ZYG11A: variants seen among roughly 807,000 people sequenced by gnomAD.
The protein encoded by ZYG11A is zyg-11 family member A, cell cycle regulator, also known as protein zyg-11 homolog A.
Under a neutral mutation model 77.2 loss-of-function variants are expected in ZYG11A, and 62 were observed. That is an observed-to-expected ratio of 0.80 (90% CI 0.65 to 0.99). The LOEUF (loss-of-function observed/expected upper bound fraction) is 0.99. Among genes scored for constraint, ZYG11A ranks in the 50% least tolerant of loss-of-function variants. ZYG11A has a pLI of 0.00. For missense variants in ZYG11A, 828 were observed against 896.8 expected (o/e 0.92, Z 0.98); for synonymous variants, 315 against 324.6 (o/e 0.97, Z 0.32).
intron 8 of ZYG11A, among the ~76,000 whole-genome samples, chr1:52,874,511 C>CA (rs1557449730): frequency 6.6e-6 from 1 of 152,128 alleles, no homozygotes; most frequent in Non-Finnish European, 1.5e-5. Flanking sequence ...CATTGCCTCT[C>CA]AAAGTGCTAT....
At chr1:52,849,047 C>A (rs1645653041) in intron 1 of ZYG11A, among the ~76,000 whole-genome samples, 1 of 151,964 alleles carries the variant, frequency 6.6e-6, no homozygotes, top group Non-Finnish European at 1.5e-5. Flanking sequence ...TTTCCCAATT[C>A]TTTTGGAGTT....
rs1364106319 is a variant in ZYG11A, at chr1:52,867,554, G to T, written c.1407G>T (p.Lys469Asn). Residue 469 changes from lysine (K) to asparagine (N), a missense_variant, in exon 7 of 14, where the codon AAG becomes AAT. Transcript: ENST00000371528. ...DVPFDRFDAA[K>N]FVMRWLCKHE... ...TGCTTTTCAGGTTTGATGCTGCCAA[G>T]TTTGTCATGAGATGGCTCTGTAAGC... is the stretch of plus-strand genomic sequence containing the variant. 1.9e-6 allele frequency: 3 copies of T among 1,551,968 alleles called. No individual in the cohort carries two copies. In the African/African-American group the frequency reaches 4.1e-5, roughly 21 times the overall value.
At chr1:52,872,150 A>G (rs1571866225) in intron 8 of ZYG11A, among the ~76,000 whole-genome samples, 1 of 151,886 alleles carries the variant, frequency 6.6e-6, no homozygotes, top group Admixed American at 6.6e-5. Flanking sequence ...TTTGAGACAG[A>G]GTCTGCAATG....
chr1:52,887,961 C>T (rs1348100456), intron 13 of ZYG11A, among the ~76,000 whole-genome samples: 1 of 152,062 alleles, frequency 6.6e-6, no homozygotes, highest in Non-Finnish European at 1.5e-5. Context: ...CAACAGGAAA[C>T]CCAAGAGACA....
intron 1 of ZYG11A, among the ~76,000 whole-genome samples, chr1:52,847,736 C>G (rs920666054): frequency 6.7e-6 from 1 of 149,398 alleles, no homozygotes; most frequent in Admixed American, 6.7e-5. Flanking sequence ...GTGGCGCGAT[C>G]TCGGTTCGCT....
At chr1:52,864,942 C>T (rs942895479) in intron 5 of ZYG11A, among the ~76,000 whole-genome samples, 2 of 151,828 alleles carry the variant, frequency 1.3e-5, no homozygotes, top group African/African-American at 2.4e-5. Flanking sequence ...TGAGCCCCCG[C>T]GCCTGGCCTA....
Position 52,892,790 on chromosome 1 carries a change from T to C in ZYG11A, c.2113T>C (p.Tyr705His), listed in dbSNP as rs1170831632. 3 of 1,551,416 alleles carry C rather than the reference T, an allele frequency of 1.9e-6. No individual in the cohort carries two copies. In the Admixed American group the frequency reaches 5.9e-5, roughly 30 times the overall value. ...GCTTGATTTTCTTTCAGCCAGCAAA[T>C]ACTGCAAAATGTTAGTTGAAGAAGA... The part of the protein sequence containing the change: ...YHVCSKNPSK[Y>H]CKMLVEEEGL... Residue 705 changes from tyrosine to histidine, a missense_variant, in exon 14 of 14, where the codon TAC (tyrosine) becomes CAC (histidine). Physicochemically the swap from Tyr to His is moderately conservative, Grantham distance 83. Coordinates refer to ENST00000371528, the MANE Select transcript of ZYG11A (RefSeq NM_001004339.3).
chr1:52,891,773 C>G (rs1463337534), intron 13 of ZYG11A, among the ~76,000 whole-genome samples: 5 of 151,904 alleles, frequency 3.3e-5, no homozygotes, highest in East Asian at 1.9e-4. Context: ...TTCTTTCTGC[C>G]GCAGGCTAAG....
At chr1:52,856,330 G>A (rs1376870597) in intron 2 of ZYG11A, among the ~76,000 whole-genome samples, 9 of 151,934 alleles carry the variant, frequency 5.9e-5, no homozygotes, top group Admixed American at 5.9e-4. Flanking sequence ...AGTAGGCCAG[G>A]TGCAGTGCCT....
chr1:52,845,264 G>A (rs1645540921), intron 1 of ZYG11A, among the ~76,000 whole-genome samples: 1 of 147,494 alleles, frequency 6.8e-6, no homozygotes, highest in South Asian at 2.1e-4. Context: ...TGTGTCTCTT[G>A]TAAACAGCAA....
Position 52,881,465 on chromosome 1 carries a change from C to G in ZYG11A, c.1750-6C>G, listed in dbSNP as rs746944456. The stretch of plus-strand genomic sequence containing the variant: ...TCTGGGGTTCTCTGCTCCATCTGAC[C>G]TGTAGAACAACATAGCAGAAGTCAG... On this transcript the variant is annotated splice_region_variant and splice_polypyrimidine_tract_variant and intron_variant, in intron 10 of 13. Coordinates refer to ENST00000371528, the MANE Select transcript of ZYG11A (RefSeq NM_001004339.3). The G allele has an allele frequency of 9.7e-6, 15 of 1,542,146 alleles. No individual in the cohort carries two copies. Among genetic ancestry groups the G allele is most frequent in the Non-Finnish European group, 1.3e-5 (15 of 1,141,928 alleles).
intron 12 of ZYG11A, among the ~76,000 whole-genome samples, chr1:52,886,099 AT>A (rs375828972): frequency 1.3e-5 from 2 of 151,620 alleles, no homozygotes; most frequent in South Asian, 4.2e-4. Context: ...TGCCCGGCTA[AT>A]TTTTTGTATT....
chr1:52,873,892 GA>G (rs1303180880), intron 8 of ZYG11A, among the ~76,000 whole-genome samples: 2 of 151,964 alleles, frequency 1.3e-5, no homozygotes, highest in Non-Finnish European at 2.9e-5. Context: ...GCTGAGGCAG[GA>G]GAATCACTTG....
At chr1:52,881,363 A>G (rs1646358908) in intron 10 of ZYG11A, 108 bp from the exon 11 acceptor site, 1 of 749,178 alleles carries the variant, frequency 1.3e-6, no homozygotes, top group Admixed American at 3.2e-5. Context: ...TATAAGAATA[A>G]GAGTTCTGAA....
intron 10 of ZYG11A, among the ~76,000 whole-genome samples, chr1:52,879,217 A>C (rs1646318991): frequency 6.6e-6 from 1 of 152,222 alleles, no homozygotes; most frequent in African/African-American, 2.4e-5. Flanking sequence ...TTGCCATGCC[A>C]TATGCATTGG....
Position 52,867,582 on chromosome 1 carries a change from G to A in ZYG11A, c.1435G>A (p.Glu479Lys). ...KFVMRWLCKH[E>K]NPKMQTMAVS... ...TGTCATGAGATGGCTCTGTAAGCATGAAAACCCCAAGATGCAAACAATGGC... is the reference window on the plus strand; with the variant it reads ...TGTCATGAGATGGCTCTGTAAGCATAAAAACCCCAAGATGCAAACAATGGC... The change falls in exon 7 of 14, where the codon GAA (glutamate) becomes AAA (lysine). Residue 479 changes from glutamate to lysine, a missense_variant. Transcript: ENST00000371528. 6.4e-7 allele frequency: 1 copy of A among 1,552,330 alleles called. No individual in the cohort carries two copies. Among genetic ancestry groups the A allele is most frequent in the Non-Finnish European group, 8.7e-7 (1 of 1,147,130 alleles).
rs374425035 is a variant in ZYG11A, at chr1:52,867,941, T to C, written c.1542+164T>C. 1.4e-4 allele frequency among the ~76,000 whole-genome samples: 21 copies of C among 151,330 alleles called. 1 individual carries two copies. The highest frequency in any genetic ancestry group is 5.1e-4 in the African/African-American group (21 of 41,254). On this transcript the variant is annotated intron_variant, in intron 8 of 13. Transcript: ENST00000371528. ...CTAATTTTGTAGCTATTTCTTTTGG[T>C]ATGTACCTCCACATTTCTTTTTTTT...
chr1:52,842,803 A>C lies in ZYG11A; in HGVS notation c.-81A>C. On this transcript the variant is annotated 5_prime_UTR_variant, in exon 1 of 14. Coordinates refer to ENST00000371528, the MANE Select transcript of ZYG11A (RefSeq NM_001004339.3). ...GCAGGCGTGGTGGGCGCGTCCTGGC[A>C]GCCGCCCGCTTGGTTCTCGCGGGAT... The C allele has an allele frequency of 1.5e-6, 2 of 1,367,946 alleles. No homozygotes were observed. Among genetic ancestry groups the C allele is most frequent in the Non-Finnish European group, 2.0e-6 (2 of 1,006,320 alleles). The allele number at this position is 1,367,946 out of a possible 1,614,324, so 84.7% of individuals were successfully genotyped here.
intron 13 of ZYG11A, among the ~76,000 whole-genome samples, chr1:52,889,505 A>G (rs1045046028): frequency 4.0e-5 from 6 of 151,820 alleles, no homozygotes; most frequent in Admixed American, 3.9e-4. Flanking sequence ...CTGGTTGTGA[A>G]CTCCTGGGCT....
Sources: gnomAD v4.1 joint callset for allele counts (sites outside exome capture counted in the v4.1 genomes callset) on GRCh38, gnomAD v4.1.1 for gene constraint, MANE v1.5 for transcripts, NCBI Gene and HGNC (gene_info 2026-07-23, HGNC 2026-07-21) for gene names.